ATP8A2: variants seen among roughly 807,000 people sequenced by gnomAD.
ATP8A2 encodes the protein ATPase phospholipid transporting 8A2.
A neutral mutation model predicts 165.6 loss-of-function variants in ATP8A2; 100 were observed. The observed-to-expected ratio is 0.60, with a 90% CI of 0.51 to 0.71. The LOEUF is 0.71. Among genes scored for constraint, ATP8A2 ranks in the 30% least tolerant of loss-of-function variants. ATP8A2 has a pLI of 0.00. For missense variants in ATP8A2, 1,227 were observed against 1,479.5 expected (o/e 0.83, Z 2.80); for synonymous variants, 543 against 548.8 (o/e 0.99, Z 0.15).
intron 33 of ATP8A2, among the ~76,000 whole-genome samples, chr13:25,925,557 G>A (rs73472947): frequency 0.013 from 1,953 of 150,744 alleles, 47 homozygotes; most frequent in African/African-American, 0.043. Context: ...AAACAAAATT[G>A]TAGATGGGTC....
In ATP8A2 at chr13:26,023,331, G is replaced by A. The variant is rs987162697; in HGVS notation, c.*3346G>A. On this transcript the variant is annotated 3_prime_UTR_variant, in exon 37 of 37. Coordinates refer to ENST00000381655, the MANE Select transcript of ATP8A2 (RefSeq NM_016529.6). The stretch of plus-strand genomic sequence containing the variant: ...TGCTGTTTCTTTTAACACTTGTAGA[G>A]GAATATCCTGAGAAGTGAACCTGGG... 6.6e-6 allele frequency: 1 copy of A among 152,152 alleles called. No individual in the cohort carries two copies. The highest frequency in any genetic ancestry group is 2.4e-5 in the African/African-American group (1 of 41,422). The allele number at this position is 152,152 out of a possible 1,614,324, so 9.4% of individuals were successfully genotyped here.
At chr13:25,450,398 A>G in intron 1 of ATP8A2, among the ~76,000 whole-genome samples, 1 of 152,214 alleles carries the variant, frequency 6.6e-6, no homozygotes, top group East Asian at 1.9e-4. Flanking sequence ...AGGAATCACC[A>G]CACTGGCTTC....
intron 28 of ATP8A2, among the ~76,000 whole-genome samples, chr13:25,831,222 T>C (rs1951459657): frequency 6.6e-6 from 1 of 150,738 alleles, no homozygotes; most frequent in Non-Finnish European, 1.5e-5. Context: ...TTTTCTTTTT[T>C]TTTTTTTTTT....
chr13:25,629,752 G>A (rs527696293), intron 24 of ATP8A2, among the ~76,000 whole-genome samples: 3 of 152,160 alleles, frequency 2.0e-5, no homozygotes, highest in East Asian at 1.9e-4. Flanking sequence ...TTAGATCAGC[G>A]TCGCTTCTGT....
intron 27 of ATP8A2, among the ~76,000 whole-genome samples, chr13:25,799,789 C>T (rs765178356): frequency 6.6e-6 from 1 of 152,168 alleles, no homozygotes; most frequent in African/African-American, 2.4e-5. Context: ...ATGAAGCTGC[C>T]GTAAAGCAGG....
intron 33 of ATP8A2, among the ~76,000 whole-genome samples, chr13:25,955,554 C>T (rs1955498834): frequency 2.0e-5 from 3 of 152,184 alleles, no homozygotes; most frequent in African/African-American, 7.2e-5. Flanking sequence ...TGGACACATA[C>T]ACCCTCCCAA....
chr13:25,978,965 C>G (rs1270020935), intron 35 of ATP8A2, among the ~76,000 whole-genome samples: 5 of 151,744 alleles, frequency 3.3e-5, no homozygotes, highest in Non-Finnish European at 7.4e-5. Flanking sequence ...AGGAGAAATG[C>G]TGGATGTTTT....
chr13:25,601,452 ATTGT>A (rs540867974), intron 24 of ATP8A2, among the ~76,000 whole-genome samples: 2 of 151,594 alleles, frequency 1.3e-5, no homozygotes, highest in South Asian at 2.1e-4. Context: ...AAATAATTAA[ATTGT>A]TTGTTTTGTT....
chr13:25,919,718 C>T (rs181437681), intron 33 of ATP8A2, among the ~76,000 whole-genome samples: 78 of 152,242 alleles, frequency 5.1e-4, no homozygotes, highest in African/African-American at 1.8e-3. Context: ...AATTCCAATT[C>T]CAAAGATTTT....
intron 1 of ATP8A2, among the ~76,000 whole-genome samples, chr13:25,403,562 C>T (rs561411156): frequency 2.6e-5 from 4 of 152,290 alleles, no homozygotes; most frequent in South Asian, 2.1e-4. Flanking sequence ...TGAATGACCT[C>T]GAATACATTT....
intron 2 of ATP8A2, among the ~76,000 whole-genome samples, chr13:25,475,456 G>A (rs2035967333): frequency 6.6e-6 from 1 of 152,152 alleles, no homozygotes; most frequent in Non-Finnish European, 1.5e-5. Context: ...CATTGCTATT[G>A]TGAATAGTGC....
chr13:26,009,670 G>A (rs1245497782), intron 35 of ATP8A2, among the ~76,000 whole-genome samples: 1 of 152,320 alleles, frequency 6.6e-6, no homozygotes, highest in East Asian at 1.9e-4. Context: ...CTGGGCCATG[G>A]GAGGGTGTAC....
rs217870 is a variant in ATP8A2, at chr13:25,750,631, C to G, written c.2385-18415C>G. ...TGGGATTCTAGAAATGAGTGTGTTC[C>G]AGTAATAGGGAGGAAGTGTGGGGAG... is the stretch of plus-strand genomic sequence containing the variant. On this transcript the variant is annotated intron_variant, in intron 25 of 36. Coordinates refer to ENST00000381655, the MANE Select transcript of ATP8A2 (RefSeq NM_016529.6). This position sits in a 1 kb window ranked among gnomAD's most constrained non-coding sequence, Gnocchi z 4.3. Among the ~76,000 whole-genome samples the G allele has an allele frequency of 0.99, 150,142 of 152,280 alleles. 74,055 individuals carry two copies. The highest frequency in any genetic ancestry group is 1 in the East Asian group (5,162 of 5,162).
intron 1 of ATP8A2, among the ~76,000 whole-genome samples, chr13:25,462,566 G>A (rs1016227954): frequency 2.0e-5 from 3 of 152,152 alleles, no homozygotes; most frequent in African/African-American, 4.8e-5. Context: ...CTGAGTTTCA[G>A]TGTCCACAAG....
At position 25,879,700 on chromosome 13, in the gene ATP8A2, G is replaced by A. The variant is rs116190345; in HGVS notation, c.3183+17292G>A. Among the ~76,000 whole-genome samples, 1,077 of 152,338 alleles carry A rather than the reference G, an allele frequency of 7.1e-3. 11 individuals carry two copies. The highest frequency in any genetic ancestry group is 0.024 in the African/African-American group (1,010 of 41,578). On this transcript the variant is annotated intron_variant, in intron 33 of 36. Coordinates refer to ENST00000381655, the MANE Select transcript of ATP8A2 (RefSeq NM_016529.6). The stretch of plus-strand genomic sequence containing the variant: ...GTGCACCAGCTGTTTCCTTTCTGCA[G>A]TGGTTCTTCAAGCAGATTTATGCAA...
intron 25 of ATP8A2, among the ~76,000 whole-genome samples, chr13:25,760,393 A>G (rs1273091810): frequency 6.6e-6 from 1 of 152,218 alleles, no homozygotes; most frequent in Non-Finnish European, 1.5e-5. Flanking sequence ...TTTGGTTTTC[A>G]AGGACATTAT....
chr13:25,663,399 A>G (rs534232874), intron 24 of ATP8A2, among the ~76,000 whole-genome samples: 160 of 152,254 alleles, frequency 1.1e-3, no homozygotes, highest in African/African-American at 3.8e-3. Context: ...GAGTTTGCAG[A>G]TGGGAGAGGT....
chr13:25,506,662 G>A (rs973831479), intron 2 of ATP8A2, among the ~76,000 whole-genome samples: 2 of 152,172 alleles, frequency 1.3e-5, no homozygotes, highest in South Asian at 2.1e-4. Flanking sequence ...TGTGGAACAC[G>A]GCTGTGGATC....
chr13:25,536,635 T>A (rs4383001), intron 6 of ATP8A2, among the ~76,000 whole-genome samples: 104,040 of 152,088 alleles, frequency 0.68, 37,033 homozygotes, highest in African/African-American at 0.81. Context: ...TTTCACAAGT[T>A]TCGTATCACT....
Sources: gnomAD v4.1 joint callset for allele counts (sites outside exome capture counted in the v4.1 genomes callset) on GRCh38, gnomAD v4.1.1 for gene constraint, Gnocchi (gnomAD v3.1) non-coding constraint, MANE v1.5 for transcripts, NCBI Gene and HGNC (gene_info 2026-07-23, HGNC 2026-07-21) for gene names.